Variants in GUF1 observed in about 807,000 individuals in gnomAD.
The protein encoded by GUF1 is translation factor GUF1, mitochondrial.
In GUF1, 78 loss-of-function variants were observed where a neutral mutation model predicts 82.4. The ratio of observed to expected loss-of-function variants is 0.95; its 90% CI spans 0.79 to 1.14. The LOEUF is 1.14. GUF1 is among the 50% of genes most tolerant of loss of function. GUF1 has a pLI of 0.00. For synonymous variants in GUF1, 279 were observed against 282.3 expected, an observed-to-expected ratio of 0.99 and a Z score of 0.12; for missense variants, 814 against 798.2, an observed-to-expected ratio of 1.02 and a Z score of -0.24.
Position 44,698,613 on chromosome 4 carries a change from A to C in GUF1, c.1942A>C (p.Lys648Gln). Reference protein sequence around the residue: ...RQAEGKKKLRKIGNVEVPKDA... With the variant: ...RQAEGKKKLRQIGNVEVPKDA... ...AGCAGAAGGGAAAAAAAAGCTGAGG[A>C]AAATTGGCAACGTTGAAGTTCCAAA... Residue 648 changes from lysine to glutamine, a missense_variant, in exon 17 of 17, where the codon AAA becomes CAA. By Grantham distance (53) the Lys-to-Gln change is moderately conservative. Coordinates refer to ENST00000281543, the MANE Select transcript of GUF1 (RefSeq NM_021927.3). 1 of 1,611,236 alleles carries C rather than the reference A, an allele frequency of 6.2e-7. No homozygotes were observed. The highest frequency in any genetic ancestry group is 8.5e-7 in the Non-Finnish European group (1 of 1,179,070).
In GUF1 at chr4:44,699,597, T is replaced by C. The variant is rs973200186; in HGVS notation, c.*916T>C. The C allele has an allele frequency of 2.6e-5, 4 of 152,214 alleles. No individual in the cohort carries two copies. Among genetic ancestry groups the C allele is most frequent in the African/African-American group, 9.7e-5 (4 of 41,450 alleles). 9.4% of individuals were successfully genotyped at this position (152,214 alleles called of 1,614,324 possible). On this transcript the variant is annotated 3_prime_UTR_variant, in exon 17 of 17. Transcript: ENST00000281543. ...AAAAGGCCCCATACTTAAGATTCCA[T>C]CTACTTTAAGTTTAAAGGATTTTCA...
intron 9 of GUF1, 22 bp downstream of exon 9, chr4:44,688,168 AGGTTGAG>A (rs1324419887): frequency 5.0e-6 from 8 of 1,597,804 alleles, no homozygotes; most frequent in Non-Finnish European, 6.8e-6. Flanking sequence ...ACAAATTCAA[AGGTTGAG>A]GGCCATGATA....
At chr4:44,696,797 C>T (rs1032416040) in intron 15 of GUF1, among the ~76,000 whole-genome samples, 3 of 152,138 alleles carry the variant, frequency 2.0e-5, no homozygotes, top group African/African-American at 4.8e-5. Flanking sequence ...CAATTTAAGA[C>T]AGTTAGCAAT....
chr4:44,686,359 CTAATATAT>C, intron 7 of GUF1, 143 bp from the exon 8 acceptor site: 1 of 494,976 alleles, frequency 2.0e-6, no homozygotes, highest in Non-Finnish European at 3.5e-6. Flanking sequence ...GTTATTAAAT[CTAATATAT>C]TTTATAAAAA....
At chr4:44,690,691 G>C in intron 11 of GUF1, 26 bp from the exon 12 acceptor site, 1 of 1,343,844 alleles carries the variant, frequency 7.4e-7, no homozygotes, top group Non-Finnish European at 1.0e-6. Flanking sequence ...AAGATTTTAA[G>C]TATTGCTGAT....
rs1419317999 is a variant in GUF1 at position 44,700,038 on chromosome 4, C to G, written c.*1357C>G. On this transcript the variant is annotated 3_prime_UTR_variant, in exon 17 of 17. Coordinates refer to ENST00000281543, the MANE Select transcript of GUF1 (RefSeq NM_021927.3). ...AACCAGACTGCAGACTGTATTAGAG[C>G]AAGACAACATCATTTAGCCATTGAT... 6.6e-6 allele frequency: 1 copy of G among 152,150 alleles called. No individual in the cohort carries two copies. Among genetic ancestry groups the G allele is most frequent in the Non-Finnish European group, 1.5e-5 (1 of 68,030 alleles). 9.4% of individuals were successfully genotyped at this position (152,150 alleles called of 1,614,324 possible). A position where few individuals can be genotyped will look rare whatever the true frequency, so the allele number is the denominator to read the frequency against.
intron 3 of GUF1, 105 bp from the exon 4 acceptor site, chr4:44,681,018 C>G (rs558919314): frequency 6.8e-6 from 8 of 1,178,628 alleles, no homozygotes; most frequent in Middle Eastern, 2.1e-4. Context: ...AAAAAAGAAA[C>G]GAATATTTAA....
At chr4:44,690,007 T>A (rs926304060) in intron 11 of GUF1, 32 bp downstream of exon 11, 1 of 1,484,984 alleles carries the variant, frequency 6.7e-7, no homozygotes, top group East Asian at 2.3e-5. Flanking sequence ...TATTTAGTAC[T>A]GTTTTGCATT....
chr4:44,691,748 T>C lies in GUF1; in HGVS notation c.1562T>C (p.Ile521Thr), dbSNP rs1715460651. ...MLKYLFPLNE[I>T]VVDFYDSLKS... is the part of the protein sequence containing the mutation. ...AAATATCTCTTTCCTTTGAATGAAA[T>C]TGTGGTAGATTTTTATGACTCTTTG... Residue 521 changes from isoleucine to threonine, a missense_variant, in exon 13 of 17, where the codon ATT becomes ACT. Coordinates refer to ENST00000281543, the MANE Select transcript of GUF1 (RefSeq NM_021927.3). 2 of 1,589,720 alleles carry C rather than the reference T, an allele frequency of 1.3e-6. No homozygotes were observed. Among genetic ancestry groups the C allele is most frequent in the Non-Finnish European group, 8.6e-7 (1 of 1,162,960 alleles).
chr4:44,680,654 TA>T (rs1714713675), intron 2 of GUF1, 39 bp from the exon 3 acceptor site: 5 of 1,435,716 alleles, frequency 3.5e-6, no homozygotes, highest in African/African-American at 2.9e-5. Flanking sequence ...CTTTTTTTTT[TA>T]AAGCCCAGAG....
rs774640987 is a variant in GUF1, at chr4:44,678,790, G to A, written c.165+3G>A. On this transcript the variant is annotated splice_donor_region_variant and intron_variant, in intron 1 of 16. Coordinates refer to ENST00000281543, the MANE Select transcript of GUF1 (RefSeq NM_021927.3). ...TCTACAGCTCCGCAGAATTCAAGGT[G>A]ACTGCCCCCTGGAATCTGATTTAGC... 1.3e-6 allele frequency: 2 copies of A among 1,550,548 alleles called. No homozygotes were observed. Among genetic ancestry groups the A allele is most frequent in the Non-Finnish European group, 1.7e-6 (2 of 1,155,740 alleles).
chr4:44,681,234 A>G, intron 4 of GUF1, 31 bp downstream of exon 4: 1 of 1,434,174 alleles, frequency 7.0e-7, no homozygotes, highest in African/African-American at 1.4e-5. Flanking sequence ...ATGATGTGAT[A>G]TGACATGACT....
chr4:44,690,404 C>T (rs574212708), intron 11 of GUF1, among the ~76,000 whole-genome samples: 25 of 151,694 alleles, frequency 1.6e-4, no homozygotes, highest in African/African-American at 6.0e-4. Flanking sequence ...TATTGTATTC[C>T]ATGTAAGTGG....
At position 44,690,773 on chromosome 4, in the gene GUF1, A is replaced by C; in HGVS notation, c.1392A>C (p.Ser464=). 6.3e-7 allele frequency: 1 copy of C among 1,599,390 alleles called. No homozygotes were observed. Among genetic ancestry groups the C allele is most frequent in the Non-Finnish European group, 8.6e-7 (1 of 1,168,096 alleles). The change falls in exon 12 of 17, where the codon TCA becomes TCC. Residue 464 remains serine (S), a synonymous_variant. Coordinates refer to ENST00000281543, the MANE Select transcript of GUF1 (RefSeq NM_021927.3). The part of the protein sequence containing the change: ...IINPAQFPDK[S]KVTEYLEPVV... ...ATCCTGCACAATTCCCCGATAAATC[A>C]AAAGTAACAGAATATTTGGAGCCAG...
intron 8 of GUF1, 61 bp from the exon 9 acceptor site, chr4:44,687,946 T>A (rs1386520009): frequency 2.7e-6 from 4 of 1,463,124 alleles, no homozygotes; most frequent in Non-Finnish European, 3.8e-6. Context: ...TAGAACTAAT[T>A]GTGAGTTATG....
intron 9 of GUF1, among the ~76,000 whole-genome samples, chr4:44,688,579 C>T (rs1049369604): frequency 3.3e-5 from 5 of 151,778 alleles, no homozygotes; most frequent in Admixed American, 2.0e-4. Context: ...GCCTCAAGTA[C>T]GTATAATTTC....
chr4:44,686,680 T>C lies in GUF1; in HGVS notation c.905T>C (p.Val302Ala). Residue 302 changes from valine to alanine, a missense_variant, in exon 8 of 17, where the codon GTC becomes GCC. By Grantham distance (64) the Val-to-Ala change is moderately conservative. Coordinates refer to ENST00000281543, the MANE Select transcript of GUF1 (RefSeq NM_021927.3). ...ACATACGAAGTTAATGAAGTAGGAG[T>C]CTTGAATCCTAATGAGCAGCCAACT... is the stretch of plus-strand genomic sequence containing the variant. ...QKTYEVNEVG[V>A]LNPNEQPTHK... The C allele has an allele frequency of 1.9e-6, 3 of 1,610,950 alleles. No individual in the cohort carries two copies. Among genetic ancestry groups the C allele is most frequent in the Non-Finnish European group, 2.5e-6 (3 of 1,177,686 alleles).
At chr4:44,697,771 G>A (rs1479240072) in intron 16 of GUF1, among the ~76,000 whole-genome samples, 1 of 152,082 alleles carries the variant, frequency 6.6e-6, no homozygotes, top group Non-Finnish European at 1.5e-5. Flanking sequence ...GAAAGATTTT[G>A]AAAACAATGG....
intron 6 of GUF1, among the ~76,000 whole-genome samples, chr4:44,685,466 T>TC (rs1297875139): frequency 6.6e-6 from 1 of 152,098 alleles, no homozygotes; most frequent in African/African-American, 2.4e-5. Context: ...TAAAGGTCAG[T>TC]CATACCATGT....
Sources: gnomAD v4.1 joint callset for allele counts (sites outside exome capture counted in the v4.1 genomes callset) on GRCh38, gnomAD v4.1.1 for gene constraint, MANE v1.5 for transcripts, NCBI Gene and HGNC (gene_info 2026-07-23, HGNC 2026-07-21) for gene names.